The following CNTNAP2 variants were observed in gnomAD, a reference collection of about 807,000 sequenced individuals.
CNTNAP2 encodes the protein contactin associated protein 2.
CNTNAP2 carries 98 observed loss-of-function variants against 155.2 expected under a neutral mutation model. The ratio of observed to expected loss-of-function variants is 0.63; its 90% CI spans 0.54 to 0.75. The LOEUF (loss-of-function observed/expected upper bound fraction) is 0.75, where lower values mean the gene tolerates loss of function less well. Among genes scored for constraint, CNTNAP2 ranks in the 30% least tolerant of loss-of-function variants. The pLI is 0.00. For missense variants in CNTNAP2, 1,727 were observed against 1,688.1 expected (o/e 1.02, Z -0.40); for synonymous variants, 651 against 631.2 (o/e 1.03, Z -0.47).
At chr7:146,931,400 C>T (rs962427509) in intron 3 of CNTNAP2, among the ~76,000 whole-genome samples, 15 of 148,610 alleles carry the variant, frequency 1.0e-4, no homozygotes, top group Middle Eastern at 3.4e-3. Context: ...AGAACAAAGA[C>T]ACAACATACC....
At chr7:147,703,517 G>A (rs75383050) in intron 13 of CNTNAP2, among the ~76,000 whole-genome samples, 223 of 152,276 alleles carry the variant, frequency 1.5e-3, no homozygotes, top group Middle Eastern at 6.8e-3. Flanking sequence ...GGTATTTACA[G>A]AGTAAGGACA....
intron 15 of CNTNAP2, among the ~76,000 whole-genome samples, chr7:148,037,495 C>T (rs1025586306): frequency 3.3e-5 from 5 of 152,174 alleles, no homozygotes; most frequent in Non-Finnish European, 5.9e-5. Context: ...GCACAATGAT[C>T]ATTCAATTCA....
intron 1 of CNTNAP2, among the ~76,000 whole-genome samples, chr7:146,507,944 G>A (rs900039789): frequency 6.6e-6 from 1 of 152,110 alleles, no homozygotes; most frequent in Admixed American, 6.6e-5. Flanking sequence ...AAGAATGTAT[G>A]GGCCAAGTCC....
At chr7:146,941,485 T>G (rs1484976227) in intron 3 of CNTNAP2, among the ~76,000 whole-genome samples, 2 of 152,166 alleles carry the variant, frequency 1.3e-5, no homozygotes. Flanking sequence ...TTAATAGTTT[T>G]GTCTTTTAAC....
chr7:147,117,629 A>C (rs1158102562), intron 5 of CNTNAP2, among the ~76,000 whole-genome samples: 1 of 152,182 alleles, frequency 6.6e-6, no homozygotes, highest in Non-Finnish European at 1.5e-5. Context: ...TGATTGGCTA[A>C]AAATTCTAGG....
chr7:147,335,616 A>G (rs1325330568), intron 9 of CNTNAP2, among the ~76,000 whole-genome samples: 1 of 152,154 alleles, frequency 6.6e-6, no homozygotes, highest in Non-Finnish European at 1.5e-5. Context: ...AAAGAGAAAC[A>G]GAGACGGAGG....
intron 15 of CNTNAP2, among the ~76,000 whole-genome samples, chr7:148,075,244 C>T (rs561318156): frequency 6.6e-5 from 10 of 152,256 alleles, no homozygotes; most frequent in African/African-American, 2.4e-4. Context: ...CAAGATCAGC[C>T]TGGCCAACAT....
chr7:146,274,122 T>C (rs968338555), intron 1 of CNTNAP2, among the ~76,000 whole-genome samples: 14 of 152,158 alleles, frequency 9.2e-5, no homozygotes, highest in African/African-American at 3.1e-4. Flanking sequence ...TGCCAGATAA[T>C]GTTCTTAATT....
chr7:147,676,516 G>A (rs73741218), intron 13 of CNTNAP2, among the ~76,000 whole-genome samples: 2,361 of 151,930 alleles, frequency 0.016, 66 homozygotes, highest in African/African-American at 0.055. Context: ...CATTTTTGTG[G>A]ATATTTTGCA....
rs563952744 is a variant in CNTNAP2 at position 147,613,559 on chromosome 7, C to T, written c.1898-25547C>T. 6.6e-5 allele frequency among the ~76,000 whole-genome samples: 10 copies of T among 151,962 alleles called. No homozygotes were observed. The South Asian group carries it at 1.0e-3, about 16-fold the overall frequency. On this transcript the variant is annotated intron_variant, in intron 12 of 23. Transcript: ENST00000361727. The stretch of plus-strand genomic sequence containing the variant: ...TTCTTTAAGAAATAATAGAAAAAGC[C>T]GGATGCAGTGGCTCATGTCTATAAT...
chr7:147,691,192 A>C (rs1796081786), intron 13 of CNTNAP2, among the ~76,000 whole-genome samples: 1 of 152,104 alleles, frequency 6.6e-6, no homozygotes, highest in South Asian at 2.1e-4. Flanking sequence ...TTAGGTTTTA[A>C]GTTCTGAAAA....
intron 4 of CNTNAP2, among the ~76,000 whole-genome samples, chr7:147,067,563 T>A (rs1217861862): frequency 6.6e-6 from 1 of 152,130 alleles, no homozygotes; most frequent in Admixed American, 6.5e-5. Flanking sequence ...CAGTGACTAA[T>A]CAAAAACCCA....
chr7:146,981,752 G>A lies in CNTNAP2; in HGVS notation c.403-62155G>A, dbSNP rs761936917. Among the ~76,000 whole-genome samples, 31 of 151,990 alleles carry A rather than the reference G, an allele frequency of 2.0e-4. 1 individual carries two copies. The highest frequency in any genetic ancestry group is 4.1e-4 in the Non-Finnish European group (28 of 67,994). On this transcript the variant is annotated intron_variant, in intron 3 of 23. Coordinates refer to ENST00000361727, the MANE Select transcript of CNTNAP2 (RefSeq NM_014141.6). ...TAAGTTAATAACTTTGGAGGAGGAA[G>A]GTATGTCTAGAAAAGGCTTAAAACA...
intron 21 of CNTNAP2, among the ~76,000 whole-genome samples, chr7:148,279,693 C>T (rs1053666034): frequency 6.6e-6 from 1 of 151,980 alleles, no homozygotes; most frequent in African/African-American, 2.4e-5. Flanking sequence ...GGACATTGAT[C>T]GTTACTGGGA....
intron 10 of CNTNAP2, among the ~76,000 whole-genome samples, chr7:147,470,277 A>G (rs1405999743): frequency 6.6e-6 from 1 of 152,204 alleles, no homozygotes; most frequent in Non-Finnish European, 1.5e-5. Context: ...GATGAGAATA[A>G]TAGCAGTAGA....
intron 15 of CNTNAP2, among the ~76,000 whole-genome samples, chr7:148,023,184 CA>C (rs1321832736): frequency 6.6e-6 from 1 of 151,470 alleles, no homozygotes; most frequent in Non-Finnish European, 1.5e-5. Context: ...TTTCCCTACC[CA>C]AAAGCAAAAA....
chr7:147,340,366 AC>A (rs1795740532), intron 9 of CNTNAP2, among the ~76,000 whole-genome samples: 2 of 152,084 alleles, frequency 1.3e-5, no homozygotes, highest in African/African-American at 4.8e-5. Flanking sequence ...CAAAATACAT[AC>A]CCCCAAGCAA....
chr7:147,999,673 T>C (rs1043531418), intron 15 of CNTNAP2, among the ~76,000 whole-genome samples: 3 of 152,204 alleles, frequency 2.0e-5, no homozygotes, highest in East Asian at 3.9e-4. Context: ...GATGAGGCCA[T>C]ACTGAATTGG....
At chr7:147,578,389 G>A (rs1285869823) in intron 12 of CNTNAP2, among the ~76,000 whole-genome samples, 4 of 152,144 alleles carry the variant, frequency 2.6e-5, no homozygotes, top group South Asian at 2.1e-4. Context: ...GACTCATCTG[G>A]TTGCTGCAAT....
Sources: allele counts gnomAD v4.1 joint callset (sites outside exome capture counted in the v4.1 genomes callset), GRCh38; gene constraint gnomAD v4.1.1; transcripts MANE v1.5; gene names NCBI Gene and HGNC (gene_info 2026-07-23, HGNC 2026-07-21).